Variants in NELL1 observed in about 807,000 individuals in gnomAD.
The protein encoded by NELL1 is neural EGFL like 1.
NELL1 carries 76 observed loss-of-function variants against 107.4 expected under a neutral mutation model. The observed-to-expected ratio is 0.71, with a 90% CI of 0.59 to 0.86. The LOEUF is 0.86. Among genes scored for constraint, NELL1 ranks in the 40% least tolerant of loss-of-function variants. The probability of loss-of-function intolerance (pLI) is 0.00; values close to 1 mark genes in which losing one functional copy is unlikely to be tolerated. For synonymous variants in NELL1, 353 were observed against 341.2 expected (o/e 1.03, Z -0.38); for missense variants, 1,024 against 1,005.5 (o/e 1.02, Z -0.25).
intron 12 of NELL1, among the ~76,000 whole-genome samples, chr11:20,995,014 T>A (rs1852057875): frequency 6.6e-6 from 1 of 152,186 alleles, no homozygotes; most frequent in South Asian, 2.1e-4. Flanking sequence ...ACAGGAGAGA[T>A]ACCCTGGTGG....
At chr11:21,190,389 A>G (rs1857024585) in intron 13 of NELL1, among the ~76,000 whole-genome samples, 1 of 151,728 alleles carries the variant, frequency 6.6e-6, no homozygotes, top group Non-Finnish European at 1.5e-5. Context: ...AAAGAATGTA[A>G]AATGGGAATA....
chr11:20,896,117 T>C (rs1849732224), intron 5 of NELL1, among the ~76,000 whole-genome samples: 1 of 152,168 alleles, frequency 6.6e-6, no homozygotes, highest in Admixed American at 6.5e-5. Flanking sequence ...CAACATGTAG[T>C]CTTTTATCCC....
At chr11:21,251,743 A>G (rs1301136174) in intron 14 of NELL1, among the ~76,000 whole-genome samples, 1 of 152,056 alleles carries the variant, frequency 6.6e-6, no homozygotes, top group East Asian at 1.9e-4. Context: ...AAACTTTGGC[A>G]ATGACATGAG....
At chr11:21,058,781 A>G (rs1029246141) in intron 12 of NELL1, among the ~76,000 whole-genome samples, 6 of 152,138 alleles carry the variant, frequency 3.9e-5, no homozygotes, top group African/African-American at 1.4e-4. Flanking sequence ...TGGAAATGTG[A>G]CATCTAATTT....
chr11:20,779,911 C>A (rs1856821063), intron 2 of NELL1, among the ~76,000 whole-genome samples: 1 of 152,198 alleles, frequency 6.6e-6, no homozygotes, highest in Non-Finnish European at 1.5e-5. Context: ...AGCTAGTCAT[C>A]TGCAAAACTC....
At chr11:21,043,964 G>T (rs1487142138) in intron 12 of NELL1, among the ~76,000 whole-genome samples, 1 of 152,172 alleles carries the variant, frequency 6.6e-6, no homozygotes, top group Non-Finnish European at 1.5e-5. Context: ...GCAGTAGAAG[G>T]TTGGACACAT....
chr11:21,081,701 G>T (rs567534559), intron 12 of NELL1, among the ~76,000 whole-genome samples: 1 of 152,204 alleles, frequency 6.6e-6, no homozygotes, highest in South Asian at 2.1e-4. Context: ...TGTTCAAACT[G>T]CTATGATCTC....
In NELL1 at chr11:20,903,094, AT is replaced by A. The variant is rs548343337; in HGVS notation, c.604-15087del. ...CTATATGTTGTTTTGTACATCATAA[AT>A]ATTCAAAATGTTTAAAATGGCATAC... On this transcript the variant is annotated intron_variant, in intron 5 of 19. Coordinates refer to ENST00000357134, the MANE Select transcript of NELL1 (RefSeq NM_006157.5). Among the ~76,000 whole-genome samples the A allele has an allele frequency of 7.2e-5, 11 of 152,180 alleles. No homozygotes were observed. In the South Asian group the frequency reaches 2.3e-3, roughly 32 times the overall value.
chr11:20,982,103 C>G (rs1322743290), intron 12 of NELL1, among the ~76,000 whole-genome samples: 5 of 152,098 alleles, frequency 3.3e-5, no homozygotes, highest in African/African-American at 1.2e-4. Context: ...TAGCAAGTGT[C>G]AGAGAATTGA....
At chr11:20,797,565 CA>C (rs35016707) in intron 3 of NELL1, among the ~76,000 whole-genome samples, 7,974 of 68,834 alleles carry the variant, frequency 0.12, 140 homozygotes, top group Middle Eastern at 0.22. Flanking sequence ...GACTCCATCT[CA>C]AAAAAAAAAA....
intron 17 of NELL1, among the ~76,000 whole-genome samples, chr11:21,566,391 A>C (rs12221647): frequency 6.6e-6 from 1 of 151,636 alleles, no homozygotes; most frequent in South Asian, 2.1e-4. Context: ...TGACTATTCC[A>C]TATTAAAATT....
chr11:21,238,595 G>A (rs1945330), intron 14 of NELL1, among the ~76,000 whole-genome samples: 148,323 of 152,052 alleles, frequency 0.98, 72,447 homozygotes, highest in East Asian at 1. Context: ...TTTGCTGGAG[G>A]AAAGGGAAGT....
rs560681059 is a variant in NELL1, at chr11:21,019,043, G to C, written c.1300+58483G>C. ...TTGAAAGCTCTACTCCCCTGCGGAT[G>C]GCAGGGAGATATAATAGAGTTTGAG... On this transcript the variant is annotated intron_variant, in intron 12 of 19. Coordinates refer to ENST00000357134, the MANE Select transcript of NELL1 (RefSeq NM_006157.5). Among the ~76,000 whole-genome samples the C allele has an allele frequency of 5.9e-5, 9 of 152,182 alleles. No individual in the cohort carries two copies. The South Asian group carries it at 1.9e-3, about 32-fold the overall frequency.
chr11:21,124,559 G>A (rs906722073), intron 13 of NELL1, among the ~76,000 whole-genome samples: 6 of 150,618 alleles, frequency 4.0e-5, no homozygotes, highest in Non-Finnish European at 7.4e-5. Context: ...AGATCAAGGT[G>A]CCTGCAGATT....
At chr11:21,088,858 T>C (rs952793297) in intron 12 of NELL1, among the ~76,000 whole-genome samples, 1 of 152,208 alleles carries the variant, frequency 6.6e-6, no homozygotes, top group African/African-American at 2.4e-5. Flanking sequence ...TCCTTCAAAA[T>C]GCCACAGCTA....
chr11:21,411,043 A>G (rs1004710343), intron 15 of NELL1, among the ~76,000 whole-genome samples: 24 of 152,064 alleles, frequency 1.6e-4, no homozygotes, highest in African/African-American at 5.6e-4. Flanking sequence ...GTCAGATTCC[A>G]CAAGTTCAAA....
intron 14 of NELL1, among the ~76,000 whole-genome samples, chr11:21,267,771 C>T (rs1848663476): frequency 6.6e-6 from 1 of 152,048 alleles, no homozygotes; most frequent in Admixed American, 6.6e-5. Context: ...AATAACTTAT[C>T]CAGGGCTGCA....
intron 14 of NELL1, among the ~76,000 whole-genome samples, chr11:21,297,313 AC>A (rs1273933502): frequency 6.6e-6 from 1 of 152,056 alleles, no homozygotes; most frequent in Non-Finnish European, 1.5e-5. Flanking sequence ...TAAGGCTGGT[AC>A]TAGAGCACAC....
At chr11:21,406,269 A>G (rs1852233535) in intron 15 of NELL1, among the ~76,000 whole-genome samples, 1 of 151,960 alleles carries the variant, frequency 6.6e-6, no homozygotes, top group African/African-American at 2.4e-5. Flanking sequence ...TTTAGGGGGC[A>G]GTCATTGGGC....
Sources: gnomAD v4.1 joint callset for allele counts (sites outside exome capture counted in the v4.1 genomes callset) on GRCh38, gnomAD v4.1.1 for gene constraint, MANE v1.5 for transcripts, NCBI Gene and HGNC (gene_info 2026-07-23, HGNC 2026-07-21) for gene names.